TENM3: variants seen among roughly 807,000 people sequenced by gnomAD.
TENM3 encodes teneurin-3.
A neutral mutation model predicts 255.1 loss-of-function variants in TENM3; 63 were observed. The observed-to-expected ratio is 0.25, with a 90% CI of 0.20 to 0.30. The LOEUF (loss-of-function observed/expected upper bound fraction) is 0.30, where lower values mean the gene tolerates loss of function less well. Ranked by LOEUF, TENM3 falls within the 10% of genes least tolerant of loss-of-function variation. TENM3 has a pLI of 1.00. For synonymous variants in TENM3, 1,306 were observed against 1,322.3 expected, an observed-to-expected ratio of 0.99 and a Z score of 0.27; for missense variants, 2,929 against 3,461.1, an observed-to-expected ratio of 0.85 and a Z score of 3.86.
At chr4:181,905,924 T>C in the TENM3 span, 5 of 571,886 alleles carry the variant, frequency 8.7e-6, no homozygotes, top group South Asian at 1.5e-5. Flanking sequence ...CAGAATGACA[T>C]TGCTCCAACT....
chr4:181,849,456 C>T, the TENM3 span, among the ~76,000 whole-genome samples: 1 of 152,010 alleles, frequency 6.6e-6, no homozygotes, highest in African/African-American at 2.4e-5. Context: ...CTATTGTTGT[C>T]ACAATAAGTT....
chr4:181,697,554 C>T, the TENM3 span, among the ~76,000 whole-genome samples: 8 of 152,094 alleles, frequency 5.3e-5, no homozygotes, highest in Admixed American at 1.3e-4. Flanking sequence ...CTACCACACC[C>T]GGCTAATTTT....
the TENM3 span, among the ~76,000 whole-genome samples, chr4:181,844,640 C>T: frequency 6.6e-6 from 1 of 151,700 alleles, no homozygotes; most frequent in Non-Finnish European, 1.5e-5. Context: ...TGCACTCCAG[C>T]CTGGGCGACA....
chr4:182,626,106 C>T (rs1581144293), intron 4 of TENM3, among the ~76,000 whole-genome samples: 2 of 152,216 alleles, frequency 1.3e-5, no homozygotes, highest in African/African-American at 2.4e-5. Flanking sequence ...TCTATGGCGG[C>T]TTTCACGATA....
intron 3 of TENM3, among the ~76,000 whole-genome samples, chr4:182,369,752 G>T (rs1448608422): frequency 6.6e-6 from 1 of 151,996 alleles, no homozygotes; most frequent in African/African-American, 2.4e-5. Flanking sequence ...GTGGTGGCAG[G>T]TGCCTGTAGT....
At position 182,328,584 on chromosome 4, in the gene TENM3, A is replaced by G. The variant is rs12511484; in HGVS notation, c.232+4332A>G. ...TTGTACGTTACTGAAATTAAAACAG[A>G]AAGTAAATTTGCAAAGAAGGGAAGG... On this transcript the variant is annotated intron_variant, in intron 2 of 27. Coordinates refer to ENST00000511685, the MANE Select transcript of TENM3 (RefSeq NM_001080477.4). Among the ~76,000 whole-genome samples the G allele has an allele frequency of 5.7e-3, 864 of 152,292 alleles. 37 individuals carry two copies. The highest frequency in any genetic ancestry group is 0.05 in the Admixed American group (764 of 15,288).
the TENM3 span, among the ~76,000 whole-genome samples, chr4:181,546,219 C>T: frequency 3.3e-5 from 5 of 152,290 alleles, no homozygotes; most frequent in South Asian, 1.0e-3. Context: ...CTTCTCCCTT[C>T]GTATAGCTTC....
rs747056235 is a variant in TENM3 at position 182,789,247 on chromosome 4, A to G, written c.5459A>G (p.Asn1820Ser). Residue 1820 changes from asparagine to serine, a missense_variant, in exon 25 of 28, where the codon AAT becomes AGT. Physicochemically the swap from Asn to Ser is conservative, Grantham distance 46. This residue lies in a region of TENM3 where 303 missense variants were observed against 425.2 expected (regional missense o/e 0.71). Coordinates refer to ENST00000511685, the MANE Select transcript of TENM3 (RefSeq NM_001080477.4). This position sits in a 1 kb window ranked among gnomAD's most constrained non-coding sequence, Gnocchi z 4.4. ...CCAAGCAGCAAGCTGATGGCCGTCA[A>G]TGTCACCTATTCATCCACAGGTCAA... ...WLPSSKLMAV[N>S]VTYSSTGQIA... The G allele has an allele frequency of 2.5e-6, 4 of 1,613,728 alleles. No homozygotes were observed. The highest frequency in any genetic ancestry group is 2.2e-5 in the South Asian group (2 of 90,998).
At chr4:182,696,129 C>T (rs892418508) in intron 12 of TENM3, among the ~76,000 whole-genome samples, 1 of 152,094 alleles carries the variant, frequency 6.6e-6, no homozygotes, top group Admixed American at 6.5e-5. Context: ...GTATTATCAA[C>T]TCAGCATATT....
intron 3 of TENM3, among the ~76,000 whole-genome samples, chr4:182,597,919 C>T (rs1747423371): frequency 6.6e-6 from 1 of 152,184 alleles, no homozygotes; most frequent in Admixed American, 6.5e-5. Flanking sequence ...GTGGCTCATG[C>T]CTGTAATCCC....
chr4:181,691,596 A>T, the TENM3 span, among the ~76,000 whole-genome samples: 25 of 152,128 alleles, frequency 1.6e-4, no homozygotes, highest in Non-Finnish European at 3.2e-4. Context: ...AATGGGTTTT[A>T]TACAAATAAA....
At chr4:182,618,004 C>T (rs1398513147) in intron 4 of TENM3, among the ~76,000 whole-genome samples, 1 of 152,180 alleles carries the variant, frequency 6.6e-6, no homozygotes, top group Non-Finnish European at 1.5e-5. Context: ...CTAACTACTA[C>T]ACTCTCTTTA....
In TENM3 at chr4:182,799,787, C is replaced by T. The variant is rs748897302; in HGVS notation, c.7536C>T (p.Asn2512=). The T allele has an allele frequency of 1.2e-6, 2 of 1,600,244 alleles. No individual in the cohort carries two copies. Among genetic ancestry groups the T allele is most frequent in the East Asian group, 2.3e-5 (1 of 44,080 alleles). The change falls in exon 28 of 28, where the codon AAC becomes AAT. Residue 2512 remains asparagine, a synonymous_variant. Coordinates refer to ENST00000511685, the MANE Select transcript of TENM3 (RefSeq NM_001080477.4). This position sits in a 1 kb window ranked among gnomAD's most constrained non-coding sequence, Gnocchi z 4.2. ...TCAGCCAGGGCCGCGTGCAGACCAA[C>T]GTGCTCAACATCGCCAACGAGGACT... ...LAVSQGRVQT[N]VLNIANEDCI... is the part of the protein sequence containing the mutation.
At chr4:182,442,031 C>T (rs1772531052) in intron 3 of TENM3, among the ~76,000 whole-genome samples, 1 of 152,144 alleles carries the variant, frequency 6.6e-6, no homozygotes. Flanking sequence ...GGCCCATAAA[C>T]TATTCTTGGT....
At chr4:182,057,326 G>A in the TENM3 span, among the ~76,000 whole-genome samples, 1 of 151,412 alleles carries the variant, frequency 6.6e-6, no homozygotes, top group Non-Finnish European at 1.5e-5. Context: ...ATAAACTGCT[G>A]CAGAAAGAAA....
the TENM3 span, among the ~76,000 whole-genome samples, chr4:181,936,988 G>C: frequency 6.6e-6 from 1 of 152,220 alleles, no homozygotes; most frequent in Non-Finnish European, 1.5e-5. Flanking sequence ...TTGTTGTAAA[G>C]AGGTAACAAG....
chr4:181,888,532 A>ATATATATATATATATATATG, the TENM3 span, among the ~76,000 whole-genome samples: 10 of 78,748 alleles, frequency 1.3e-4, no homozygotes, highest in African/African-American at 4.1e-4. Flanking sequence ...ATATACATAT[A>ATATATATATATATATATATG]TGTGTATATA....
At chr4:181,585,409 G>A in the TENM3 span, among the ~76,000 whole-genome samples, 5 of 152,114 alleles carry the variant, frequency 3.3e-5, no homozygotes, top group East Asian at 9.6e-4. Context: ...AATGTTTGGA[G>A]GAAAGGGATC....
the TENM3 span, among the ~76,000 whole-genome samples, chr4:181,565,982 C>T: frequency 0.15 from 22,574 of 151,842 alleles, 1,740 homozygotes; most frequent in South Asian, 0.2. Flanking sequence ...ACACATTGTT[C>T]TAAGTTGGAA....
Sources: gnomAD v4.1 joint callset for allele counts (sites outside exome capture counted in the v4.1 genomes callset) on GRCh38, gnomAD v4.1.1 for gene constraint, gnomAD v4.1.1 regional missense constraint, Gnocchi (gnomAD v3.1) non-coding constraint, MANE v1.5 for transcripts, NCBI Gene and HGNC (gene_info 2026-07-23, HGNC 2026-07-21) for gene names.